EHBP1: variants seen among roughly 807,000 people sequenced by gnomAD.
EHBP1 encodes the protein EH domain binding protein 1, also known as EH domain-binding protein 1.
EHBP1 carries 55 observed loss-of-function variants against 144.0 expected under a neutral mutation model. That is an observed-to-expected ratio of 0.38 (90% CI 0.31 to 0.48). The LOEUF is 0.48. Ranked by LOEUF, EHBP1 falls within the 20% of genes least tolerant of loss-of-function variation. The pLI, the probability that EHBP1 is intolerant of heterozygous loss-of-function variation, is 0.98. For missense variants in EHBP1, 1,200 were observed against 1,364.2 expected (o/e 0.88, Z 1.90); for synonymous variants, 469 against 472.7 (o/e 0.99, Z 0.10).
At chr2:62,819,905 T>A (rs1010788453) in intron 5 of EHBP1, among the ~76,000 whole-genome samples, 4 of 151,926 alleles carry the variant, frequency 2.6e-5, no homozygotes, top group African/African-American at 9.7e-5. Flanking sequence ...TCAGCATAGA[T>A]GAATATTAAG....
At chr2:62,905,641 A>G (rs1289212226) in intron 10 of EHBP1, among the ~76,000 whole-genome samples, 1 of 152,146 alleles carries the variant, frequency 6.6e-6, no homozygotes, top group Non-Finnish European at 1.5e-5. Flanking sequence ...CCTGGGCAAC[A>G]TGGTGAAACC....
At position 62,753,936 on chromosome 2, in the gene EHBP1, G is replaced by A. The variant is rs545820970; in HGVS notation, c.162+6484G>A. Among the ~76,000 whole-genome samples, 15 of 152,226 alleles carry A rather than the reference G, an allele frequency of 9.9e-5. No individual in the cohort carries two copies. In the South Asian group the frequency reaches 2.3e-3, roughly 23 times the overall value. Reference sequence around the variant, plus strand: ...TTTTTAGCTCCTTTGCGATGGGTTCGAACTTCCTCCTTTAGCTTGGAGAAG... The same window carrying A: ...TTTTTAGCTCCTTTGCGATGGGTTCAAACTTCCTCCTTTAGCTTGGAGAAG... On this transcript the variant is annotated intron_variant, in intron 3 of 22. Transcript: ENST00000431489.
intron 19 of EHBP1, among the ~76,000 whole-genome samples, chr2:63,036,032 A>G (rs1478339403): frequency 6.6e-6 from 1 of 152,076 alleles, no homozygotes; most frequent in Non-Finnish European, 1.5e-5. Context: ...GAATGAAGGC[A>G]TATATTCTCA....
At chr2:62,895,736 T>G (rs2152927846) in intron 10 of EHBP1, among the ~76,000 whole-genome samples, 2 of 152,330 alleles carry the variant, frequency 1.3e-5, no homozygotes, top group South Asian at 4.1e-4. Context: ...CATGAGGTTC[T>G]GAGCCATTGA....
intron 4 of EHBP1, among the ~76,000 whole-genome samples, chr2:62,766,437 G>A (rs893895003): frequency 6.6e-6 from 1 of 152,232 alleles, no homozygotes; most frequent in African/African-American, 2.4e-5. Flanking sequence ...CATGGGACCT[G>A]AGAGACCCAG....
intron 7 of EHBP1, among the ~76,000 whole-genome samples, chr2:62,849,114 T>C (rs1341276016): frequency 6.6e-6 from 1 of 152,104 alleles, no homozygotes; most frequent in African/African-American, 2.4e-5. Flanking sequence ...TAAATCACTT[T>C]ACCCAATATA....
Position 62,934,974 on chromosome 2 carries a change from G to A in EHBP1, c.1186-7744G>A, listed in dbSNP as rs899778662. ...AGTTAACCCTTTCTGTTGGTTAGCCGTTTCTCTCTGGAAAAATAATTGATA... is the reference window on the plus strand; with the variant it reads ...AGTTAACCCTTTCTGTTGGTTAGCCATTTCTCTCTGGAAAAATAATTGATA... On this transcript the variant is annotated intron_variant, in intron 10 of 22. Transcript: ENST00000431489. 8.5e-5 allele frequency among the ~76,000 whole-genome samples: 13 copies of A among 152,150 alleles called. No homozygotes were observed. The South Asian group carries it at 1.5e-3, about 17-fold the overall frequency.
At chr2:62,874,250 A>C in intron 9 of EHBP1, 96 bp from the exon 10 acceptor site, 1 of 982,812 alleles carries the variant, frequency 1.0e-6, no homozygotes, top group Non-Finnish European at 1.4e-6. Context: ...TTTATTTGAA[A>C]AAAGAAATTT....
At chr2:62,879,025 A>AT (rs1361861445) in intron 10 of EHBP1, among the ~76,000 whole-genome samples, 1 of 152,054 alleles carries the variant, frequency 6.6e-6, no homozygotes, top group Non-Finnish European at 1.5e-5. Flanking sequence ...CTCAAAAAAA[A>AT]AAAAAACAAA....
chr2:62,831,216 C>A, intron 7 of EHBP1, 58 bp downstream of exon 7: 2 of 1,489,076 alleles, frequency 1.3e-6, no homozygotes, highest in South Asian at 1.3e-5. Context: ...TTCAAAAACT[C>A]ATTCTCATTT....
At chr2:62,978,168 A>C (rs1454246163) in intron 14 of EHBP1, among the ~76,000 whole-genome samples, 1 of 149,516 alleles carries the variant, frequency 6.7e-6, no homozygotes, top group African/African-American at 2.5e-5. Context: ...GCAGTTTCAC[A>C]TTGATTATTT....
At chr2:62,717,892 G>A (rs930778730) in intron 2 of EHBP1, among the ~76,000 whole-genome samples, 12 of 152,148 alleles carry the variant, frequency 7.9e-5, no homozygotes, top group Middle Eastern at 3.2e-3. Context: ...GTATTACTAG[G>A]CACTTGAGAG....
rs538040362 is a variant in EHBP1, at chr2:62,961,656, GAAGAAAATGTAATTTTTTC to G, written c.2460+6005_2460+6023del. Among the ~76,000 whole-genome samples the G allele has an allele frequency of 1.2e-4, 18 of 152,206 alleles. No homozygotes were observed. The South Asian group carries it at 1.9e-3, about 16-fold the overall frequency. ...TCATGTAATATATAAGCACAGACTT[GAAGAAAATGTAATTTTTTC>G]AAGAAAATATTTCTTTTTTTATTAT... On this transcript the variant is annotated intron_variant, in intron 14 of 22. Coordinates refer to ENST00000431489, the MANE Select transcript of EHBP1 (RefSeq NM_001142616.3).
chr2:62,956,843 A>G (rs1490390013), intron 14 of EHBP1, among the ~76,000 whole-genome samples: 1 of 152,202 alleles, frequency 6.6e-6, no homozygotes, highest in Non-Finnish European at 1.5e-5. Flanking sequence ...TTCAGCTAAT[A>G]AGACCTCTGC....
intron 5 of EHBP1, among the ~76,000 whole-genome samples, chr2:62,800,988 G>T (rs961845923): frequency 6.6e-6 from 1 of 152,166 alleles, no homozygotes; most frequent in Non-Finnish European, 1.5e-5. Flanking sequence ...GACTATTAAG[G>T]AATCAACCCT....
At chr2:62,730,031 A>G (rs2037355810) in intron 2 of EHBP1, among the ~76,000 whole-genome samples, 1 of 152,182 alleles carries the variant, frequency 6.6e-6, no homozygotes, top group African/African-American at 2.4e-5. Flanking sequence ...CTTAGTGCAT[A>G]TAAAAGTTGT....
intron 19 of EHBP1, among the ~76,000 whole-genome samples, chr2:63,025,706 T>C (rs755727779): frequency 2.0e-5 from 3 of 152,148 alleles, no homozygotes; most frequent in Non-Finnish European, 4.4e-5. Flanking sequence ...CTCTATGGGG[T>C]ATTTTAAAAT....
intron 10 of EHBP1, among the ~76,000 whole-genome samples, chr2:62,875,080 A>G (rs957099318): frequency 6.6e-6 from 1 of 152,144 alleles, no homozygotes; most frequent in Non-Finnish European, 1.5e-5. Context: ...CCCTGCCAGC[A>G]TGTAGGCACT....
At chr2:62,739,548 TAAA>T (rs2038486772) in intron 2 of EHBP1, among the ~76,000 whole-genome samples, 1 of 152,122 alleles carries the variant, frequency 6.6e-6, no homozygotes, top group Non-Finnish European at 1.5e-5. Flanking sequence ...GGTGATACTG[TAAA>T]ACAATAAAGT....
Sources: allele counts gnomAD v4.1 joint callset (sites outside exome capture counted in the v4.1 genomes callset), GRCh38; gene constraint gnomAD v4.1.1; transcripts MANE v1.5; gene names NCBI Gene and HGNC (gene_info 2026-07-23, HGNC 2026-07-21).